SLC15A1: variants seen among roughly 807,000 people sequenced by gnomAD.
The protein encoded by SLC15A1 is solute carrier family 15 member 1, also known as Caco-2 oligopeptide transporter.
In SLC15A1, 83 loss-of-function variants were observed where a neutral mutation model predicts 92.9. The ratio of observed to expected loss-of-function variants is 0.89; its 90% confidence interval spans 0.75 to 1.07. The LOEUF (loss-of-function observed/expected upper bound fraction) is 1.07, where lower values mean the gene tolerates loss of function less well. SLC15A1 is among the 50% of genes least tolerant of loss of function. The probability of loss-of-function intolerance (pLI) is 0.00; values close to 1 mark genes in which losing one functional copy is unlikely to be tolerated. For synonymous variants in SLC15A1, 322 were observed against 318.2 expected, an observed-to-expected ratio of 1.01 and a Z score of -0.13; for missense variants, 857 against 880.1, an observed-to-expected ratio of 0.97 and a Z score of 0.33.
At chr13:98,686,741 G>A (rs1216006047) in intron 21 of SLC15A1, among the ~76,000 whole-genome samples, 1 of 152,062 alleles carries the variant, frequency 6.6e-6, no homozygotes, top group Non-Finnish European at 1.5e-5. Context: ...TAGACTGTGA[G>A]GTTATCACAG....
intron 18 of SLC15A1, among the ~76,000 whole-genome samples, chr13:98,690,345 T>C (rs766596962): frequency 1.3e-5 from 2 of 152,144 alleles, no homozygotes; most frequent in Non-Finnish European, 2.9e-5. Context: ...AGCTGATTAA[T>C]ATGGAAAATG....
At chr13:98,728,312 A>G (rs1000099451) in intron 1 of SLC15A1, among the ~76,000 whole-genome samples, 2 of 152,024 alleles carry the variant, frequency 1.3e-5, no homozygotes, top group East Asian at 1.9e-4. Context: ...TTTGCTCAGG[A>G]TGACTTTGGC....
intron 11 of SLC15A1, 33 bp downstream of exon 11, chr13:98,711,821 G>C (rs570096373): frequency 1.3e-6 from 2 of 1,524,910 alleles, no homozygotes; most frequent in African/African-American, 2.7e-5. Flanking sequence ...CGCTTGCTCC[G>C]TGAAGAAGAG....
At chr13:98,706,964 G>A (rs190992380) in intron 15 of SLC15A1, among the ~76,000 whole-genome samples, 26 of 152,186 alleles carry the variant, frequency 1.7e-4, no homozygotes, top group African/African-American at 5.8e-4. Context: ...ACCGTCACCC[G>A]ACTCCAGTGT....
intron 5 of SLC15A1, among the ~76,000 whole-genome samples, chr13:98,723,652 G>A (rs1346854885): frequency 1.3e-5 from 2 of 152,120 alleles, no homozygotes; most frequent in East Asian, 3.9e-4. Flanking sequence ...AATCCCCTGC[G>A]CACTGACTGT....
intron 1 of SLC15A1, among the ~76,000 whole-genome samples, chr13:98,747,905 A>C (rs1296172199): frequency 2.6e-5 from 4 of 152,116 alleles, no homozygotes; most frequent in South Asian, 2.1e-4. Flanking sequence ...AAACAAAAAA[A>C]CCCAAGGGAA....
chr13:98,743,399 A>C (rs539499141), intron 1 of SLC15A1, among the ~76,000 whole-genome samples: 2 of 152,194 alleles, frequency 1.3e-5, no homozygotes, highest in Non-Finnish European at 2.9e-5. Flanking sequence ...AACTTTCAGC[A>C]TCTTGTTCCT....
At position 98,723,990 on chromosome 13, in the gene SLC15A1, G is replaced by T. The variant is rs796920427; in HGVS notation, c.287C>A (p.Ala96Glu). The change falls in exon 5 of 23, where the codon GCA becomes GAA. Residue 96 changes from alanine (A) to glutamate (E), a missense_variant. Ala to Glu is a moderately radical substitution (Grantham distance 107). Coordinates refer to ENST00000376503, the MANE Select transcript of SLC15A1 (RefSeq NM_005073.4). ...ATTAATGGAGCTTACTGAGGTGACT[G>T]CTTGTCCAATTGTGTAGACAATGGA... ...SLSIVYTIGQ[A>E]VTSVSSINDL... 2 of 1,614,052 alleles carry T rather than the reference G, an allele frequency of 1.2e-6. No homozygotes were observed. Among genetic ancestry groups the T allele is most frequent in the Admixed American group, 1.7e-5 (1 of 60,004 alleles).
intron 1 of SLC15A1, among the ~76,000 whole-genome samples, chr13:98,750,053 C>T (rs1190016914): frequency 6.6e-6 from 1 of 152,038 alleles, no homozygotes; most frequent in African/African-American, 2.4e-5. Flanking sequence ...AAGGAGGTGC[C>T]GTTCATGAGC....
chr13:98,733,293 A>G (rs1284070140), intron 1 of SLC15A1, among the ~76,000 whole-genome samples: 1 of 152,242 alleles, frequency 6.6e-6, no homozygotes, highest in Non-Finnish European at 1.5e-5. Flanking sequence ...AAACTAATAC[A>G]CATAGGTTTG....
intron 1 of SLC15A1, among the ~76,000 whole-genome samples, chr13:98,743,619 C>T (rs2088466705): frequency 6.6e-6 from 1 of 152,184 alleles, no homozygotes; most frequent in Non-Finnish European, 1.5e-5. Flanking sequence ...GGAAAGATCT[C>T]AGGACAGTCC....
chr13:98,749,566 G>C (rs939142584), intron 1 of SLC15A1, among the ~76,000 whole-genome samples: 2 of 152,132 alleles, frequency 1.3e-5, no homozygotes, highest in African/African-American at 2.4e-5. Flanking sequence ...TCCTACGAAG[G>C]CTTCGGAGGC....
intron 18 of SLC15A1, among the ~76,000 whole-genome samples, chr13:98,699,720 T>C (rs2088052207): frequency 6.6e-6 from 1 of 152,192 alleles, no homozygotes; most frequent in African/African-American, 2.4e-5. Flanking sequence ...CAGCATCTTG[T>C]CCTCCAACCA....
At chr13:98,695,873 G>A (rs143769708) in intron 18 of SLC15A1, among the ~76,000 whole-genome samples, 1 of 152,036 alleles carries the variant, frequency 6.6e-6, no homozygotes, top group Non-Finnish European at 1.5e-5. Flanking sequence ...GAGATTCTCC[G>A]TTGTTCTATT....
chr13:98,721,763 T>C (rs1286775846), intron 6 of SLC15A1, 41 bp downstream of exon 6: 1 of 1,568,378 alleles, frequency 6.4e-7, no homozygotes. Flanking sequence ...CCTGGATGTG[T>C]AGTTCATTCA....
intron 18 of SLC15A1, among the ~76,000 whole-genome samples, chr13:98,688,825 C>G (rs1189489306): frequency 2.0e-5 from 3 of 152,194 alleles, no homozygotes; most frequent in African/African-American, 7.2e-5. Flanking sequence ...GCTCTAAGTA[C>G]TTTGTAAATC....
intron 18 of SLC15A1, among the ~76,000 whole-genome samples, chr13:98,690,665 G>A (rs967534804): frequency 3.7e-4 from 56 of 152,220 alleles, no homozygotes; most frequent in Admixed American, 2.5e-3. Flanking sequence ...AAATGCGTCC[G>A]GAGGCGATTC....
rs753726745 is a variant in SLC15A1, at chr13:98,687,569, C to T, written c.1827+12G>A. 2.5e-6 allele frequency: 4 copies of T among 1,613,314 alleles called. No individual in the cohort carries two copies. Among genetic ancestry groups the T allele is most frequent in the Non-Finnish European group, 3.4e-6 (4 of 1,179,740 alleles). On this transcript the variant is annotated intron_variant, in intron 21 of 22. Transcript: ENST00000376503. ...TATTGCAGATGGGTGGTAAATACAA[C>T]AAACAAGAAACCTGAGAATATGAGA...
intron 7 of SLC15A1, chr13:98,721,290 A>G (rs1300250888): frequency 1.5e-6 from 1 of 687,234 alleles, no homozygotes; most frequent in Non-Finnish European, 2.7e-6. Flanking sequence ...TCCAGTGGTC[A>G]CTGGGATAAG....
Sources: gnomAD v4.1 joint callset for allele counts (sites outside exome capture counted in the v4.1 genomes callset) on GRCh38, gnomAD v4.1.1 for gene constraint, MANE v1.5 for transcripts, NCBI Gene and HGNC (gene_info 2026-07-23, HGNC 2026-07-21) for gene names.